DENND6B: variants seen among roughly 807,000 people sequenced by gnomAD.
DENND6B encodes protein DENND6B.
A neutral mutation model predicts 85.1 loss-of-function variants in DENND6B; 73 were observed. The observed-to-expected ratio is 0.86, with a 90% CI of 0.71 to 1.04. The LOEUF (loss-of-function observed/expected upper bound fraction) is 1.04, where lower values mean the gene tolerates loss of function less well. DENND6B is among the 50% of genes least tolerant of loss of function. The pLI, the probability that DENND6B is intolerant of heterozygous loss-of-function variation, is 0.00. For missense variants in DENND6B, 715 were observed against 785.8 expected, an observed-to-expected ratio of 0.91 and a Z score of 1.08; for synonymous variants, 357 against 329.3, an observed-to-expected ratio of 1.08 and a Z score of -0.91.
chr22:50,313,266 G>A (rs1010641993), intron 16 of DENND6B, among the ~76,000 whole-genome samples, 158 bp from the exon 17 acceptor site: 1 of 151,858 alleles, frequency 6.6e-6, no homozygotes, highest in Non-Finnish European at 1.5e-5. Context: ...AGCAGGCCCT[G>A]AGCCCCTCCA....
At chr22:50,322,628 C>T (rs1363127665) in intron 1 of DENND6B, among the ~76,000 whole-genome samples, 1 of 152,154 alleles carries the variant, frequency 6.6e-6, no homozygotes, top group Non-Finnish European at 1.5e-5. Flanking sequence ...CCGCTCACTG[C>T]AACCTTTGCC....
chr22:50,319,500 T>A (rs1163237820), intron 1 of DENND6B: 1 of 974,926 alleles, frequency 1.0e-6, no homozygotes, highest in Non-Finnish European at 1.2e-6. Context: ...GTTCACAGCA[T>A]CAGAAGGGTA....
In DENND6B at chr22:50,316,227, C is replaced by G; in HGVS notation, c.586G>C (p.Ala196Pro). 1 of 1,609,760 alleles carries G rather than the reference C, an allele frequency of 6.2e-7. No homozygotes were observed. The highest frequency in any genetic ancestry group is 8.5e-7 in the Non-Finnish European group (1 of 1,178,738). ...AVCSEIDQWP[A>P]PAPGQTLNLP... is the part of the protein sequence containing the mutation. ...TTCAGGGTCTGCCCAGGTGCAGGCG[C>G]CGGCCACTGGTCGATCTCACTGCAC... The change falls in exon 7 of 20, where the codon GCG becomes CCG. Residue 196 changes from alanine to proline, a missense_variant. Transcript: ENST00000413817.
chr22:50,312,108 G>A lies in DENND6B; in HGVS notation c.*31C>T. ...GGAGTGGGAGGCTCAGGCAGACCTA[G>A]GGCCCTGGGACCGTGGCCCTTGGCT... On this transcript the variant is annotated 3_prime_UTR_variant, in exon 20 of 20. Transcript: ENST00000413817. 6.2e-7 allele frequency: 1 copy of A among 1,608,572 alleles called. No homozygotes were observed. Among genetic ancestry groups the A allele is most frequent in the East Asian group, 2.2e-5 (1 of 44,850 alleles).
Position 50,316,017 on chromosome 22 carries a change from G to C in DENND6B, c.702+8C>G, listed in dbSNP as rs564340369. ...CTGTTTCAGCTCCACCTCCGCCTCA[G>C]CTCCCACCTCTTGGTCAAACTGCTT... On this transcript the variant is annotated splice_region_variant and intron_variant, in intron 8 of 19. Coordinates refer to ENST00000413817, the MANE Select transcript of DENND6B (RefSeq NM_001001794.4). The C allele has an allele frequency of 2.5e-6, 4 of 1,612,488 alleles. No individual in the cohort carries two copies.
At chr22:50,314,075 T>G in intron 13 of DENND6B, 132 bp downstream of exon 13, 1 of 1,316,458 alleles carries the variant, frequency 7.6e-7, no homozygotes, top group South Asian at 1.5e-5. Flanking sequence ...CCCCAAGGGT[T>G]CTGAGCTCTG....
chr22:50,315,997 T>G (rs755857360), intron 8 of DENND6B, 28 bp downstream of exon 8: 1 of 1,612,452 alleles, frequency 6.2e-7, no homozygotes, highest in Non-Finnish European at 8.5e-7. Flanking sequence ...CCCAGCTGTT[T>G]CAGCTCCACC....
At position 50,318,953 on chromosome 22, in the gene DENND6B, G is replaced by A. The variant is rs1196038486; in HGVS notation, c.216+12C>T. On this transcript the variant is annotated intron_variant, in intron 2 of 19. Transcript: ENST00000413817. ...CTGGGTCCTGTCCATTCCCAAGAGG[G>A]CCGGGACTCACCTCCTTGTCTGTGA... 6.2e-7 allele frequency: 1 copy of A among 1,608,336 alleles called. No individual in the cohort carries two copies. Among genetic ancestry groups the A allele is most frequent in the Non-Finnish European group, 8.5e-7 (1 of 1,177,492 alleles).
chr22:50,315,054 G>C, intron 9 of DENND6B, 133 bp from the exon 10 acceptor site: 1 of 1,267,520 alleles, frequency 7.9e-7, no homozygotes, highest in Non-Finnish European at 1.1e-6. Flanking sequence ...GGTGAAGACA[G>C]ATCTATCTGA....
At chr22:50,324,048 C>G (rs184588249) in intron 1 of DENND6B, among the ~76,000 whole-genome samples, 1 of 152,170 alleles carries the variant, frequency 6.6e-6, no homozygotes, top group Non-Finnish European at 1.5e-5. Flanking sequence ...GGTGAGTTTT[C>G]AAGAGCTGAG....
intron 1 of DENND6B, among the ~76,000 whole-genome samples, chr22:50,323,889 C>G (rs1362736951): frequency 6.6e-6 from 1 of 152,154 alleles, no homozygotes; most frequent in East Asian, 1.9e-4. Flanking sequence ...CATGCCACCA[C>G]ACCTGGCTAA....
Position 50,318,887 on chromosome 22 carries a change from T to C in DENND6B, c.219A>G (p.Lys73=). ...GAAAAGACAGGTAGCAGATGCTGCT[T>C]TTCTGAAACATATAAAACCCCGGTG... ...PNDFRLTDKE[K]SSICYLSFPD... Residue 73 remains lysine, a splice_region_variant and synonymous_variant, in exon 3 of 20, where the codon AAA becomes AAG. Coordinates refer to ENST00000413817, the MANE Select transcript of DENND6B (RefSeq NM_001001794.4). 1 of 1,613,150 alleles carries C rather than the reference T, an allele frequency of 6.2e-7. No individual in the cohort carries two copies. The highest frequency in any genetic ancestry group is 8.5e-7 in the Non-Finnish European group (1 of 1,179,664).
intron 1 of DENND6B, among the ~76,000 whole-genome samples, chr22:50,323,721 C>CTTTT (rs146060526): frequency 9.6e-6 from 1 of 104,630 alleles, no homozygotes; most frequent in Admixed American, 1.1e-4. Context: ...CACGCCTAGC[C>CTTTT]TTTTTTTTTT....
chr22:50,314,169 C>G, intron 13 of DENND6B, 38 bp downstream of exon 13: 2 of 1,581,518 alleles, frequency 1.3e-6, no homozygotes, highest in Non-Finnish European at 1.7e-6. Flanking sequence ...ACAGGCCTCT[C>G]CACGGTGGAG....
At chr22:50,314,138 G>A (rs1460927118) in intron 13 of DENND6B, 69 bp downstream of exon 13, 38 of 1,513,842 alleles carry the variant, frequency 2.5e-5, no homozygotes, top group East Asian at 7.0e-5. Flanking sequence ...TGCCCCACCC[G>A]AGAGACCCGC....
chr22:50,321,786 C>T (rs1450393219), intron 1 of DENND6B, among the ~76,000 whole-genome samples: 1 of 152,196 alleles, frequency 6.6e-6, no homozygotes, highest in Non-Finnish European at 1.5e-5. Context: ...TCCACCTCAG[C>T]CTCCTGAGTA....
At chr22:50,322,686 T>G (rs1221806463) in intron 1 of DENND6B, among the ~76,000 whole-genome samples, 1 of 151,888 alleles carries the variant, frequency 6.6e-6, no homozygotes, top group Non-Finnish European at 1.5e-5. Flanking sequence ...ATAGCTGGGA[T>G]TACAGGCGTG....
intron 1 of DENND6B, among the ~76,000 whole-genome samples, chr22:50,322,856 T>A (rs1360779824): frequency 6.6e-6 from 1 of 151,110 alleles, no homozygotes; most frequent in Non-Finnish European, 1.5e-5. Flanking sequence ...AGCCTTATTT[T>A]TTTTTTTTTC....
In DENND6B at chr22:50,314,820, T is replaced by C; in HGVS notation, c.860A>G (p.Glu287Gly). 1 of 1,609,554 alleles carries C rather than the reference T, an allele frequency of 6.2e-7. No homozygotes were observed. The highest frequency in any genetic ancestry group is 8.5e-7 in the Non-Finnish European group (1 of 1,178,574). Residue 287 changes from glutamate to glycine, a missense_variant, in exon 10 of 20, where the codon GAG (glutamate) becomes GGG (glycine). Transcript: ENST00000413817. Reference protein sequence around the residue: ...VLAPSPDVSSEMVLALTSCLQ... With the variant: ...VLAPSPDVSSGMVLALTSCLQ... ...ATACCTGGTCAAGGCCAGCACCATC[T>C]CCGAGGACACGTCGGGCGAGGGTGC...
Sources: gnomAD v4.1 joint callset for allele counts (sites outside exome capture counted in the v4.1 genomes callset) on GRCh38, gnomAD v4.1.1 for gene constraint, MANE v1.5 for transcripts, NCBI Gene and HGNC (gene_info 2026-07-23, HGNC 2026-07-21) for gene names.